VPS52: variants seen among roughly 807,000 people sequenced by gnomAD.
VPS52 encodes vacuolar protein sorting-associated protein 52 homolog.
VPS52 carries 56 observed loss-of-function variants against 98.7 expected under a neutral mutation model. The ratio of observed to expected loss-of-function variants is 0.57; its 90% CI spans 0.46 to 0.71. The LOEUF is 0.71. Among genes scored for constraint, VPS52 ranks in the 30% least tolerant of loss-of-function variants. VPS52 has a pLI of 0.00. For synonymous variants in VPS52, 348 were observed against 346.4 expected (o/e 1.00, Z -0.05); for missense variants, 742 against 925.9 (o/e 0.80, Z 2.58).
intron 11 of VPS52, 63 bp from the exon 12 acceptor site, chr6:33,266,775 G>A: frequency 6.5e-7 from 1 of 1,537,638 alleles, no homozygotes; most frequent in African/African-American, 1.4e-5. Context: ...ACTTCCCATG[G>A]ATATGGCTGG....
intron 5 of VPS52, 52 bp from the exon 6 acceptor site, chr6:33,269,241 G>A (rs1160035269): frequency 6.2e-7 from 1 of 1,601,996 alleles, no homozygotes; most frequent in Non-Finnish European, 8.5e-7. Context: ...TAGGGGATAA[G>A]TGGGCCACCA....
Position 33,269,504 on chromosome 6 carries a change from C to G in VPS52, c.358G>C (p.Asp120His). ...TGATTACTAACCTCCAGGACAGCAT[C>G]ACAGGCTGTGATCTGGTTGTGTAGA... ...ASLHNQITAC[D>H]AVLERMEQML... The change falls in exon 5 of 20, where the codon GAT (aspartate) becomes CAT (histidine). Residue 120 changes from aspartate to histidine, a missense_variant. Asp to His is a moderately conservative substitution (Grantham distance 81). Transcript: ENST00000445902. 6.2e-7 allele frequency: 1 copy of G among 1,613,524 alleles called. No homozygotes were observed.
intron 17 of VPS52, among the ~76,000 whole-genome samples, chr6:33,259,839 G>A (rs1213597565): frequency 6.6e-6 from 1 of 151,796 alleles, no homozygotes; most frequent in Non-Finnish European, 1.5e-5. Flanking sequence ...TGGCTCAGTA[G>A]GAATTCTTAC....
At chr6:33,271,899 T>G (rs542196048), upstream of VPS52, 17 of 1,126,180 alleles carry the variant, frequency 1.5e-5, 1 homozygote, top group South Asian at 2.8e-4. Flanking sequence ...TTCGCTGTTC[T>G]CTTACCTATG....
At chr6:33,265,266 G>A (rs1469221731) in intron 12 of VPS52, among the ~76,000 whole-genome samples, 2 of 152,114 alleles carry the variant, frequency 1.3e-5, no homozygotes, top group Non-Finnish European at 2.9e-5. Context: ...AGTAGAGATG[G>A]GGTTTCATCA....
intron 17 of VPS52, among the ~76,000 whole-genome samples, chr6:33,257,458 G>GTA (rs1365866822): frequency 6.6e-6 from 1 of 151,890 alleles, no homozygotes; most frequent in African/African-American, 2.4e-5. Flanking sequence ...GAGTGCAGTG[G>GTA]CACGATCTTG....
chr6:33,256,851 AAAAAG>A (rs1159706043), intron 17 of VPS52, among the ~76,000 whole-genome samples: 1 of 138,492 alleles, frequency 7.2e-6, no homozygotes, highest in Non-Finnish European at 1.5e-5. Flanking sequence ...AAAAAAAAAA[AAAAAG>A]AAAAGAAAAA....
rs1174059885 is a variant in VPS52, at chr6:33,269,560, GATCC to G, written c.305-7_305-4del. 1 of 1,606,696 alleles carries G rather than the reference GATCC, an allele frequency of 6.2e-7. No individual in the cohort carries two copies. The highest frequency in any genetic ancestry group is 1.3e-5 in the African/African-American group (1 of 74,496). On this transcript the variant is annotated splice_polypyrimidine_tract_variant and splice_region_variant and intron_variant, in intron 4 of 19. Coordinates refer to ENST00000445902, the MANE Select transcript of VPS52 (RefSeq NM_022553.6). The stretch of plus-strand genomic sequence containing the variant: ...TATATTCTCACTCTCTTGAATATCT[GATCC>G]ACAAAAAGTCAAGGGGCCTCATGGT...
At chr6:33,254,688 T>G (rs944929208) in intron 17 of VPS52, 1 of 152,084 alleles carries the variant, frequency 6.6e-6, no homozygotes, top group Non-Finnish European at 1.5e-5. Context: ...TTTTTTTTTT[T>G]CGGAAACAGG....
intron 14 of VPS52, 24 bp from the exon 15 acceptor site, chr6:33,264,127 T>G: frequency 6.2e-7 from 1 of 1,611,936 alleles, no homozygotes; most frequent in Non-Finnish European, 8.5e-7. Context: ...GGAAGGAAAA[T>G]CACACCCACC....
intron 17 of VPS52, among the ~76,000 whole-genome samples, chr6:33,257,996 CAG>C (rs1327815094): frequency 6.6e-6 from 1 of 151,984 alleles, no homozygotes; most frequent in Non-Finnish European, 1.5e-5. Flanking sequence ...GCTTGGGTGA[CAG>C]AGCAAGACTG....
intron 17 of VPS52, among the ~76,000 whole-genome samples, chr6:33,256,514 C>A: frequency 7.4e-6 from 1 of 134,854 alleles, no homozygotes. Flanking sequence ...GGATAGGGAG[C>A]CCATGATCAT....
At position 33,263,794 on chromosome 6, in the gene VPS52, T is replaced by C; in HGVS notation, c.1706A>G (p.Asp569Gly). The change falls in exon 16 of 20, where the codon GAC becomes GGC. Residue 569 changes from aspartate to glycine, a missense_variant. This residue lies in a region of VPS52 where 590 missense variants were observed against 793.3 expected (regional missense o/e 0.74). Transcript: ENST00000445902. The part of the protein sequence containing the change: ...EQLVFLINNY[D>G]MMLGVLMERA... ...TACCATCAGCACACCCAGCATCATG[T>C]CATAGTTGTTGATCAGAAACACAAG... 1 of 1,614,140 alleles carries C rather than the reference T, an allele frequency of 6.2e-7. No individual in the cohort carries two copies. The highest frequency in any genetic ancestry group is 8.5e-7 in the Non-Finnish European group (1 of 1,180,028).
At position 33,271,586 on chromosome 6, in the gene VPS52, C is replaced by T; in HGVS notation, c.90G>A (p.Leu30=). ...TSDMEEEEGP[L]AGGPGLQEPL... is the part of the protein sequence containing the mutation. ...AGGAGAAACAGCTCCGCGCTCTCAC[C>T]AGCGGGCCCTCTTCCTCCTCCATAT... Residue 30 remains leucine, a splice_region_variant and synonymous_variant, in exon 1 of 20, where the codon CTG becomes CTA. Transcript: ENST00000445902. 1 of 1,603,688 alleles carries T rather than the reference C, an allele frequency of 6.2e-7. No individual in the cohort carries two copies. Among genetic ancestry groups the T allele is most frequent in the Non-Finnish European group, 8.5e-7 (1 of 1,175,246 alleles).
At chr6:33,257,186 T>C (rs1294057266) in intron 17 of VPS52, among the ~76,000 whole-genome samples, 1 of 151,916 alleles carries the variant, frequency 6.6e-6, no homozygotes, top group Non-Finnish European at 1.5e-5. Context: ...TGTGCCACTA[T>C]GCTTGGCTAA....
chr6:33,256,051 A>G (rs922790018), intron 17 of VPS52, among the ~76,000 whole-genome samples: 1 of 152,190 alleles, frequency 6.6e-6, no homozygotes, highest in African/African-American at 2.4e-5. Flanking sequence ...AATCAAAAAC[A>G]TAAGATGTTA....
At chr6:33,264,716 G>T in intron 13 of VPS52, 66 bp downstream of exon 13, 2 of 1,512,198 alleles carry the variant, frequency 1.3e-6, no homozygotes, top group Non-Finnish European at 1.8e-6. Context: ...CTAAGGTCAG[G>T]GCAGAGTCAT....
intron 12 of VPS52, among the ~76,000 whole-genome samples, chr6:33,266,271 T>C (rs1028598441): frequency 2.0e-5 from 3 of 151,660 alleles, no homozygotes; most frequent in Admixed American, 6.6e-5. Context: ...CTTTAGTAGC[T>C]GTGACCACAG....
In VPS52 at chr6:33,260,812, C is replaced by T. The variant is rs935576079; in HGVS notation, c.1794+2672G>A. On this transcript the variant is annotated intron_variant, in intron 17 of 19. Coordinates refer to ENST00000445902, the MANE Select transcript of VPS52 (RefSeq NM_022553.6). ...GTCAGGAGTTTTAAGACCAGCTGGG[C>T]CAACATGGTGAAACCCCATCTCTAC... Among the ~76,000 whole-genome samples, 5 of 152,032 alleles carry T rather than the reference C, an allele frequency of 3.3e-5. No homozygotes were observed. In the East Asian group the frequency reaches 5.8e-4, roughly 18 times the overall value.
Sources: allele counts gnomAD v4.1 joint callset (sites outside exome capture counted in the v4.1 genomes callset), GRCh38; gene constraint gnomAD v4.1.1; regional missense constraint gnomAD v4.1.1; transcripts MANE v1.5; gene names NCBI Gene and HGNC (gene_info 2026-07-23, HGNC 2026-07-21).